Variants in TENM2 observed in about 807,000 individuals in gnomAD.
TENM2 encodes the protein teneurin-2.
In TENM2, 52 loss-of-function variants were observed where a neutral mutation model predicts 245.2. The ratio of observed to expected loss-of-function variants is 0.21; its 90% CI spans 0.17 to 0.27. The LOEUF (loss-of-function observed/expected upper bound fraction) is 0.27, where lower values mean the gene tolerates loss of function less well. TENM2 is among the 10% of genes least tolerant of loss of function. TENM2 has a pLI of 1.00. For synonymous variants in TENM2, 1,363 were observed against 1,438.9 expected, an observed-to-expected ratio of 0.95 and a Z score of 1.19; for missense variants, 3,046 against 3,666.8, an observed-to-expected ratio of 0.83 and a Z score of 4.37.
At chr5:167,652,988 T>C (rs1375368940) in intron 2 of TENM2, among the ~76,000 whole-genome samples, 1 of 152,208 alleles carries the variant, frequency 6.6e-6, no homozygotes, top group Non-Finnish European at 1.5e-5. Context: ...CTGATTACTT[T>C]TCTAGGCTAG....
chr5:168,048,427 C>T (rs894175357), intron 6 of TENM2, among the ~76,000 whole-genome samples: 9 of 152,186 alleles, frequency 5.9e-5, no homozygotes, highest in Non-Finnish European at 1.2e-4. Context: ...TTCGGAAACA[C>T]CCTACAGGGA....
the TENM2 span, among the ~76,000 whole-genome samples, chr5:167,049,996 C>A: frequency 6.6e-6 from 1 of 152,114 alleles, no homozygotes; most frequent in African/African-American, 2.4e-5. Context: ...AGTAATGAGT[C>A]AAAGGTGGAG....
chr5:167,303,711 G>A (rs539664438), intron 1 of TENM2, among the ~76,000 whole-genome samples: 1 of 152,248 alleles, frequency 6.6e-6, no homozygotes, highest in Admixed American at 6.5e-5. Context: ...ATGTGAATAT[G>A]TATCGAGACT....
intron 2 of TENM2, among the ~76,000 whole-genome samples, chr5:167,690,107 T>G (rs1362849880): frequency 1.9e-5 from 1 of 51,582 alleles, no homozygotes; most frequent in Non-Finnish European, 3.2e-5. Context: ...CACACTTTTT[T>G]TTTTTTTTTT....
Position 167,815,972 on chromosome 5 carries a change from TTGTGTGTGTGTG to T in TENM2, c.503-59986_503-59975del, listed in dbSNP as rs34151147. Among the ~76,000 whole-genome samples the T allele has an allele frequency of 7.0e-3, 1,013 of 144,126 alleles. 10 individuals are homozygous for T. Among genetic ancestry groups the T allele is most frequent in the African/African-American group, 0.023 (912 of 39,272 alleles). The allele number at this position is 144,126 out of a possible 152,430, so 94.6% of individuals were successfully genotyped here. A position where few individuals can be genotyped will look rare whatever the true frequency, so the allele number is the denominator to read the frequency against. On this transcript the variant is annotated intron_variant, in intron 2 of 28. Coordinates refer to ENST00000518659, the Ensembl canonical transcript of TENM2. ...ATCACTTAAGTCCCATTATGATCCTTTGTGTGTGTGTGTGTGTGTGTGTGTGTGTGTGTGTGT... is the reference window on the plus strand; with the variant it reads ...ATCACTTAAGTCCCATTATGATCCTTTGTGTGTGTGTGTGTGTGTGTGTGT...
At chr5:167,398,147 A>G (rs540378784) in intron 2 of TENM2, among the ~76,000 whole-genome samples, 2 of 152,294 alleles carry the variant, frequency 1.3e-5, no homozygotes, top group South Asian at 2.1e-4. Flanking sequence ...CTGGGTGTCA[A>G]TATCATAATT....
chr5:167,697,180 ACCC>A (rs1487265054), intron 2 of TENM2, among the ~76,000 whole-genome samples: 5 of 152,044 alleles, frequency 3.3e-5, no homozygotes, highest in African/African-American at 1.2e-4. Context: ...CAAGGGTAAA[ACCC>A]CTGTCTGCCT....
chr5:168,154,147 T>TAAAAAAAAAACAAAAAA (rs1756907273), intron 12 of TENM2, among the ~76,000 whole-genome samples: 1 of 85,100 alleles, frequency 1.2e-5, no homozygotes, highest in Non-Finnish European at 2.5e-5. Context: ...TCACCTACTT[T>TAAAAAAAAAACAAAAAA]AAAAAAAAAA....
chr5:168,048,530 A>G (rs368921047), intron 6 of TENM2, among the ~76,000 whole-genome samples: 2 of 152,216 alleles, frequency 1.3e-5, no homozygotes, highest in African/African-American at 4.8e-5. Context: ...TAAAGGAAGG[A>G]AAAATCTCTC....
intron 2 of TENM2, among the ~76,000 whole-genome samples, chr5:167,513,443 G>T (rs1386124879): frequency 6.6e-6 from 1 of 152,130 alleles, no homozygotes; most frequent in Admixed American, 6.6e-5. Context: ...AAAGTGCCCG[G>T]TTTTATAATG....
chr5:167,559,695 G>C (rs544302288), intron 2 of TENM2, among the ~76,000 whole-genome samples: 1 of 152,214 alleles, frequency 6.6e-6, no homozygotes, highest in Admixed American at 6.5e-5. Context: ...TGGGAGTAAG[G>C]GGGCATGGAG....
intron 4 of TENM2, among the ~76,000 whole-genome samples, chr5:167,975,384 A>G (rs1284488333): frequency 6.6e-6 from 1 of 152,042 alleles, no homozygotes; most frequent in East Asian, 1.9e-4. Context: ...GGTCTGCCTT[A>G]GAGTATATTA....
chr5:168,061,083 A>G (rs372921252), intron 6 of TENM2, among the ~76,000 whole-genome samples: 1 of 152,202 alleles, frequency 6.6e-6, no homozygotes, highest in Non-Finnish European at 1.5e-5. Flanking sequence ...CAAAACAAGA[A>G]TGACCTCAGT....
At chr5:167,671,459 A>T (rs77330806) in intron 2 of TENM2, among the ~76,000 whole-genome samples, 2,171 of 152,164 alleles carry the variant, frequency 0.014, 48 homozygotes, top group African/African-American at 0.05. Flanking sequence ...AACTACACAG[A>T]CTGGGCCCCA....
chr5:167,237,197 T>A, the TENM2 span, among the ~76,000 whole-genome samples: 1 of 152,354 alleles, frequency 6.6e-6, no homozygotes, highest in African/African-American at 2.4e-5. Flanking sequence ...CCAGTTCGTC[T>A]CTTTTATTAC....
At chr5:167,880,487 A>G (rs531106861) in intron 3 of TENM2, among the ~76,000 whole-genome samples, 30 of 152,258 alleles carry the variant, frequency 2.0e-4, no homozygotes, top group Non-Finnish European at 3.5e-4. Flanking sequence ...CTTCCTAGCA[A>G]CCAAAGCAAA....
At chr5:167,510,407 G>A (rs145339066) in intron 2 of TENM2, among the ~76,000 whole-genome samples, 45 of 152,286 alleles carry the variant, frequency 3.0e-4, no homozygotes, top group Admixed American at 5.9e-4. Context: ...AAGCAAGCGA[G>A]CACCCATTTG....
intron 2 of TENM2, among the ~76,000 whole-genome samples, chr5:167,810,639 TC>T (rs1334278394): frequency 1.3e-4 from 20 of 151,200 alleles, no homozygotes; most frequent in South Asian, 8.4e-4. Context: ...AAAAGAAAAC[TC>T]TAATTAAATC....
chr5:167,994,501 C>T (rs1783905405), intron 5 of TENM2, among the ~76,000 whole-genome samples: 1 of 152,216 alleles, frequency 6.6e-6, no homozygotes, highest in African/African-American at 2.4e-5. Flanking sequence ...CTGTGCACCC[C>T]CACAGATCTG....
Sources: gnomAD v4.1 joint callset for allele counts (sites outside exome capture counted in the v4.1 genomes callset) on GRCh38, gnomAD v4.1.1 for gene constraint, MANE v1.5 for transcripts, NCBI Gene and HGNC (gene_info 2026-07-23, HGNC 2026-07-21) for gene names.